The following PLD5 variants were observed in gnomAD, a reference collection of about 807,000 sequenced individuals.
PLD5 encodes the protein phospholipase D family member 5.
A neutral mutation model predicts 61.1 loss-of-function variants in PLD5; 36 were observed. That is an observed-to-expected ratio of 0.59 (90% confidence interval 0.45 to 0.78). The LOEUF is 0.78. PLD5 is among the 30% of genes least tolerant of loss of function. PLD5 has a pLI of 0.00. For missense variants in PLD5, 515 were observed against 644.4 expected (o/e 0.80, Z 2.17); for synonymous variants, 243 against 242.8 (o/e 1.00, Z -0.01).
chr1:242,144,058 T>C (rs887413070), intron 5 of PLD5, among the ~76,000 whole-genome samples: 1 of 152,010 alleles, frequency 6.6e-6, no homozygotes, highest in African/African-American at 2.4e-5. Context: ...TTAGTAGAGA[T>C]GGAGTTTTGC....
intron 1 of PLD5, chr1:242,377,575 C>A (rs931716160): frequency 4.0e-6 from 2 of 500,962 alleles, no homozygotes; most frequent in Non-Finnish European, 3.6e-6. Flanking sequence ...GAGACATGAC[C>A]CTGGTCCCAG....
chr1:242,516,253 TATATA>T (rs1669099140), intron 1 of PLD5, among the ~76,000 whole-genome samples: 6 of 23,776 alleles, frequency 2.5e-4, no homozygotes, highest in Non-Finnish European at 5.0e-4. Flanking sequence ...AGTTAAATTA[TATATA>T]TATATATATA....
intron 2 of PLD5, among the ~76,000 whole-genome samples, chr1:242,329,140 A>G (rs1659014817): frequency 6.6e-6 from 1 of 151,854 alleles, no homozygotes; most frequent in African/African-American, 2.4e-5. Context: ...CCTTCCGAAT[A>G]GCTGGGATTA....
intron 2 of PLD5, among the ~76,000 whole-genome samples, chr1:242,327,277 G>A (rs950079765): frequency 6.6e-6 from 1 of 152,090 alleles, no homozygotes; most frequent in Non-Finnish European, 1.5e-5. Context: ...AAAGTGCTGG[G>A]CTTGCAGGCA....
intron 1 of PLD5, among the ~76,000 whole-genome samples, chr1:242,375,233 T>C (rs1209226728): frequency 2.6e-5 from 4 of 152,192 alleles, no homozygotes; most frequent in African/African-American, 7.2e-5. Context: ...ATGGTGCTAT[T>C]CTGGCAGCTA....
At chr1:242,113,770 G>A in intron 7 of PLD5, 120 bp downstream of exon 7, 1 of 1,229,624 alleles carries the variant, frequency 8.1e-7, no homozygotes, top group Non-Finnish European at 1.1e-6. Context: ...AATGAATGGT[G>A]TGCTCTTCCT....
intron 5 of PLD5, among the ~76,000 whole-genome samples, chr1:242,126,082 G>A (rs1424924528): frequency 6.6e-6 from 1 of 152,136 alleles, no homozygotes; most frequent in Non-Finnish European, 1.5e-5. Context: ...AGAGCAGGTA[G>A]GGCATATCAG....
chr1:242,478,115 T>C (rs1667655181), intron 1 of PLD5, among the ~76,000 whole-genome samples: 1 of 152,200 alleles, frequency 6.6e-6, no homozygotes, highest in African/African-American at 2.4e-5. Flanking sequence ...CCTTGTAGAA[T>C]GCCATTAAAT....
At chr1:242,229,976 C>T (rs1014913690) in intron 4 of PLD5, among the ~76,000 whole-genome samples, 3 of 151,776 alleles carry the variant, frequency 2.0e-5, no homozygotes, top group Admixed American at 2.0e-4. Flanking sequence ...ACTGCCCCAT[C>T]CCCAGGGGAT....
At chr1:242,436,474 T>C (rs903087335) in intron 1 of PLD5, among the ~76,000 whole-genome samples, 3 of 151,908 alleles carry the variant, frequency 2.0e-5, no homozygotes, top group Non-Finnish European at 2.9e-5. Flanking sequence ...GTTCTTAGAA[T>C]TCACCTTTTA....
intron 1 of PLD5, among the ~76,000 whole-genome samples, chr1:242,447,811 T>C (rs986975489): frequency 2.0e-5 from 3 of 152,184 alleles, no homozygotes; most frequent in Non-Finnish European, 4.4e-5. Flanking sequence ...CATTTCTCCC[T>C]GAATACTGTA....
At chr1:242,167,098 AATAATAATAATAAT>A (rs1666372597) in intron 5 of PLD5, among the ~76,000 whole-genome samples, 2 of 146,140 alleles carry the variant, frequency 1.4e-5, no homozygotes, top group African/African-American at 2.5e-5. Context: ...TAATAATAAT[AATAATAATAATAAT>A]AATAAATAGT....
At chr1:242,229,128 C>T (rs753158442) in intron 4 of PLD5, among the ~76,000 whole-genome samples, 1 of 152,236 alleles carries the variant, frequency 6.6e-6, no homozygotes, top group East Asian at 1.9e-4. Context: ...GAGTAAATGA[C>T]TCAAAGGCTG....
intron 1 of PLD5, among the ~76,000 whole-genome samples, chr1:242,404,875 A>ATTTTTTTTTTTTTTTTTTTTTTTTTTTTT (rs11361107): frequency 8.0e-5 from 6 of 75,398 alleles, no homozygotes; most frequent in East Asian, 3.8e-4. Context: ...TTCCCTGCTA[A>ATTTTTTTTTTTTTTTTTTTTTTTTTTTTT]TTTTTTTTTT....
At chr1:242,394,917 T>C (rs866798851) in intron 1 of PLD5, among the ~76,000 whole-genome samples, 1 of 59,642 alleles carries the variant, frequency 1.7e-5, no homozygotes, top group Non-Finnish European at 3.6e-5. Flanking sequence ...AATATATATG[T>C]ATATATGTAT....
chr1:242,441,066 A>G (rs1666252274), intron 1 of PLD5, among the ~76,000 whole-genome samples: 1 of 152,238 alleles, frequency 6.6e-6, no homozygotes, highest in Non-Finnish European at 1.5e-5. Flanking sequence ...GTATGGAACA[A>G]TAGCTATAAT....
intron 7 of PLD5, among the ~76,000 whole-genome samples, chr1:242,112,337 G>A (rs2341221): frequency 1.9e-3 from 68 of 35,950 alleles, no homozygotes; most frequent in South Asian, 0.012. Flanking sequence ...GTATGTATAT[G>A]TGTATATATA....
chr1:242,507,053 C>T (rs1403784014), intron 1 of PLD5, among the ~76,000 whole-genome samples: 1 of 152,132 alleles, frequency 6.6e-6, no homozygotes, highest in Non-Finnish European at 1.5e-5. Flanking sequence ...AGTACCATTT[C>T]CCAGTTATAT....
At chr1:242,271,199 CACAGAGAGAGAGAG>C (rs1480599247) in intron 3 of PLD5, among the ~76,000 whole-genome samples, 1 of 13,232 alleles carries the variant, frequency 7.6e-5, no homozygotes, top group Non-Finnish European at 2.1e-4. Flanking sequence ...CACACACACA[CACAGAGAGAGAGAG>C]AGAGAGAGAG....
Sources: gnomAD v4.1 joint callset for allele counts (sites outside exome capture counted in the v4.1 genomes callset) on GRCh38, gnomAD v4.1.1 for gene constraint, MANE v1.5 for transcripts, NCBI Gene and HGNC (gene_info 2026-07-23, HGNC 2026-07-21) for gene names.